SUMF1: variants seen among roughly 807,000 people sequenced by gnomAD.
SUMF1 encodes sulfatase modifying factor 1.
A neutral mutation model predicts 47.6 loss-of-function variants in SUMF1; 48 were observed. The ratio of observed to expected loss-of-function variants is 1.01; its 90% CI spans 0.80 to 1.28. The LOEUF (loss-of-function observed/expected upper bound fraction) is 1.28, where lower values mean the gene tolerates loss of function less well. Ranked by LOEUF, SUMF1 falls within the 50% of genes most tolerant of loss-of-function variation. The pLI, the probability that SUMF1 is intolerant of heterozygous loss-of-function variation, is 0.00. For synonymous variants in SUMF1, 230 were observed against 192.1 expected (o/e 1.20, Z -1.63); for missense variants, 571 against 485.4 (o/e 1.18, Z -1.66).
chr3:4,149,055 A>G (rs1002622610), intron 8 of SUMF1, among the ~76,000 whole-genome samples: 6 of 152,268 alleles, frequency 3.9e-5, no homozygotes, highest in East Asian at 1.9e-4. Flanking sequence ...CGTTTCAACA[A>G]TCATTCACAG....
At chr3:4,086,024 C>T (rs1692664087) in intron 8 of SUMF1, among the ~76,000 whole-genome samples, 2 of 151,814 alleles carry the variant, frequency 1.3e-5, no homozygotes. Flanking sequence ...TCTATGCATC[C>T]CCTGGTGCAA....
At chr3:4,316,711 G>A (rs956951819) in intron 8 of SUMF1, 10 of 1,550,820 alleles carry the variant, frequency 6.4e-6, no homozygotes, top group Middle Eastern at 1.7e-4. Flanking sequence ...AACCGGCGAC[G>A]ATCAGCTCAG....
chr3:4,177,011 C>A (rs1286771527), intron 8 of SUMF1, among the ~76,000 whole-genome samples: 1 of 152,114 alleles, frequency 6.6e-6, no homozygotes, highest in African/African-American at 2.4e-5. Flanking sequence ...TATATGCACC[C>A]AATACAGGAG....
intron 8 of SUMF1, among the ~76,000 whole-genome samples, chr3:4,295,536 G>C (rs1048512536): frequency 1.3e-5 from 2 of 152,048 alleles, no homozygotes; most frequent in African/African-American, 4.8e-5. Context: ...TACCTGGAAC[G>C]TGAAATGAAC....
At chr3:4,243,623 A>G (rs1485262555) in intron 8 of SUMF1, among the ~76,000 whole-genome samples, 1 of 152,130 alleles carries the variant, frequency 6.6e-6, no homozygotes, top group East Asian at 1.9e-4. Flanking sequence ...CTGTGGTCTG[A>G]GAGAGAGTTT....
intron 1 of SUMF1, among the ~76,000 whole-genome samples, chr3:4,458,489 T>C (rs1274603529): frequency 6.6e-6 from 1 of 152,222 alleles, no homozygotes; most frequent in Non-Finnish European, 1.5e-5. Flanking sequence ...AGATGTCCCT[T>C]ATCATATAAA....
At chr3:4,114,324 C>A (rs1305956419) in intron 8 of SUMF1, among the ~76,000 whole-genome samples, 4 of 152,016 alleles carry the variant, frequency 2.6e-5, no homozygotes, top group African/African-American at 7.3e-5. Flanking sequence ...CAGTTACAAA[C>A]CCCTGGGACA....
rs1294478058 is a variant in SUMF1 at position 4,077,522 on chromosome 3, T to C, written c.1015-8777A>G. Among the ~76,000 whole-genome samples, 4 of 152,100 alleles carry C rather than the reference T, an allele frequency of 2.6e-5. No homozygotes were observed. The East Asian group carries it at 7.7e-4, about 29-fold the overall frequency. On this transcript the variant is annotated intron_variant and NMD_transcript_variant, in intron 8 of 12. Coordinates refer to the SUMF1 transcript ENST00000448413. The stretch of plus-strand genomic sequence containing the variant: ...TCCTTTGCAGGGACATGGATGAAGC[T>C]GGAAACCATCATTCTCAGCAAACTA...
intron 9 of SUMF1, among the ~76,000 whole-genome samples, chr3:4,044,917 G>A (rs1694978778): frequency 6.6e-6 from 1 of 151,928 alleles, no homozygotes; most frequent in South Asian, 2.1e-4. Context: ...TTAAGGACTG[G>A]AAAAAATACT....
chr3:4,298,064 A>C (rs371916495), intron 8 of SUMF1, among the ~76,000 whole-genome samples: 44 of 152,220 alleles, frequency 2.9e-4, no homozygotes, highest in African/African-American at 1.0e-3. Context: ...ATTACTGATC[A>C]GATTAGTTTC....
At chr3:4,242,088 G>A (rs1002456223) in intron 8 of SUMF1, among the ~76,000 whole-genome samples, 1 of 152,164 alleles carries the variant, frequency 6.6e-6, no homozygotes, top group Non-Finnish European at 1.5e-5. Context: ...CCTGTTCTTG[G>A]TGTATAGGAA....
At chr3:4,067,505 C>T (rs1695404993) in intron 9 of SUMF1, among the ~76,000 whole-genome samples, 1 of 152,128 alleles carries the variant, frequency 6.6e-6, no homozygotes, top group African/African-American at 2.4e-5. Context: ...TTGACTATGT[C>T]ATACCTTTTG....
intron 9 of SUMF1, among the ~76,000 whole-genome samples, chr3:4,060,881 A>C (rs572219448): frequency 6.6e-6 from 1 of 152,282 alleles, no homozygotes; most frequent in African/African-American, 2.4e-5. Context: ...TTAGGTACCA[A>C]ACTAGCTAGC....
chr3:4,165,256 A>G (rs1305117030), intron 8 of SUMF1, among the ~76,000 whole-genome samples: 1 of 152,168 alleles, frequency 6.6e-6, no homozygotes, highest in African/African-American at 2.4e-5. Flanking sequence ...GATTTGCCCT[A>G]GGTCTACCTT....
intron 8 of SUMF1, among the ~76,000 whole-genome samples, chr3:4,076,757 T>G (rs988090229): frequency 7.9e-5 from 12 of 152,096 alleles, no homozygotes; most frequent in African/African-American, 2.9e-4. Flanking sequence ...CCCAGCACTT[T>G]GGGAGACCGA....
chr3:4,424,581 T>C (rs1172191191), intron 3 of SUMF1, among the ~76,000 whole-genome samples: 3 of 93,850 alleles, frequency 3.2e-5, no homozygotes, highest in Non-Finnish European at 5.1e-5. Flanking sequence ...CTAGACATAA[T>C]ATAGTTTCTA....
intron 8 of SUMF1, among the ~76,000 whole-genome samples, chr3:4,154,582 A>T (rs1355285590): frequency 6.7e-6 from 1 of 149,740 alleles, no homozygotes; most frequent in Non-Finnish European, 1.5e-5. Context: ...AAGGTCACAT[A>T]GCTATGAAGT....
intron 1 of SUMF1, among the ~76,000 whole-genome samples, chr3:4,456,918 G>GTGTGTGTGTATATATACA (rs2079652914): frequency 8.7e-6 from 1 of 115,538 alleles, no homozygotes; most frequent in African/African-American, 3.2e-5. Context: ...CTATATACGT[G>GTGTGTGTGTATATATACA]TGTGTGTATA....
intron 8 of SUMF1, among the ~76,000 whole-genome samples, chr3:4,274,139 T>C (rs1697366789): frequency 1.3e-5 from 2 of 152,100 alleles, no homozygotes; most frequent in African/African-American, 4.8e-5. Context: ...CACTCTAAGA[T>C]ATACACTTTC....
Sources: gnomAD v4.1 joint callset for allele counts (sites outside exome capture counted in the v4.1 genomes callset) on GRCh38, gnomAD v4.1.1 for gene constraint, MANE v1.5 for transcripts, NCBI Gene and HGNC (gene_info 2026-07-23, HGNC 2026-07-21) for gene names.